NPAS3: variants seen among roughly 807,000 people sequenced by gnomAD.
The protein encoded by NPAS3 is neuronal PAS domain-containing protein 3.
In NPAS3, 14 loss-of-function variants were observed where a neutral mutation model predicts 73.1. The ratio of observed to expected loss-of-function variants is 0.19; its 90% confidence interval spans 0.13 to 0.30. The LOEUF (loss-of-function observed/expected upper bound fraction) is 0.30. Ranked by LOEUF, NPAS3 falls within the 10% of genes least tolerant of loss-of-function variation. The pLI is 1.00. For missense variants in NPAS3, 1,096 were observed against 1,250.0 expected (o/e 0.88, Z 1.86); for synonymous variants, 620 against 541.5 (o/e 1.14, Z -2.01).
At chr14:33,792,460 G>C (rs11156814) in intron 9 of NPAS3, among the ~76,000 whole-genome samples, 61,382 of 151,724 alleles carry the variant, frequency 0.4, 12,821 homozygotes, top group East Asian at 0.52. Context: ...GGATGTAATA[G>C]ATGGATGTGG....
intron 1 of NPAS3, among the ~76,000 whole-genome samples, chr14:33,032,133 A>G (rs2138351237): frequency 6.6e-6 from 1 of 152,350 alleles, no homozygotes; most frequent in African/African-American, 2.4e-5. Flanking sequence ...TTAGGTGAAT[A>G]GTGACTGCTC....
At chr14:33,559,834 C>T (rs1026957276) in intron 4 of NPAS3, among the ~76,000 whole-genome samples, 1 of 152,114 alleles carries the variant, frequency 6.6e-6, no homozygotes, top group Admixed American at 6.5e-5. Context: ...GCCTGGCCAA[C>T]ATGCTGAAAC....
At chr14:33,084,685 C>T (rs952738829) in intron 2 of NPAS3, among the ~76,000 whole-genome samples, 2 of 152,014 alleles carry the variant, frequency 1.3e-5, no homozygotes, top group South Asian at 2.1e-4. Flanking sequence ...GAGAGGAGGT[C>T]GGCAGGAAAG....
intron 4 of NPAS3, among the ~76,000 whole-genome samples, chr14:33,556,777 G>T (rs553503405): frequency 6.6e-6 from 1 of 152,284 alleles, no homozygotes; most frequent in Non-Finnish European, 1.5e-5. Context: ...TAAAATGAAG[G>T]TTTAGAACTA....
chr14:33,655,041 G>C (rs774910968), intron 5 of NPAS3, among the ~76,000 whole-genome samples: 16 of 152,194 alleles, frequency 1.1e-4, no homozygotes, highest in Admixed American at 2.6e-4. Context: ...CAAGGTGGAT[G>C]TAACTGCCTC....
intron 7 of NPAS3, among the ~76,000 whole-genome samples, chr14:33,764,366 A>T (rs2062393259): frequency 6.6e-6 from 1 of 152,266 alleles, no homozygotes; most frequent in African/African-American, 2.4e-5. Flanking sequence ...TTAGAACAAG[A>T]CTAGTTGGGA....
At chr14:33,087,972 AG>A (rs1253412051) in intron 2 of NPAS3, among the ~76,000 whole-genome samples, 1 of 152,200 alleles carries the variant, frequency 6.6e-6, no homozygotes, top group African/African-American at 2.4e-5. Context: ...TCCACAAGTG[AG>A]GGGGGAGTCT....
chr14:33,127,373 A>G (rs2043464536), intron 2 of NPAS3, among the ~76,000 whole-genome samples: 1 of 152,072 alleles, frequency 6.6e-6, no homozygotes, highest in South Asian at 2.1e-4. Context: ...TTCTGCATAT[A>G]TTGAGAATAT....
At chr14:33,544,289 T>C (rs1416002298) in intron 4 of NPAS3, among the ~76,000 whole-genome samples, 1 of 152,086 alleles carries the variant, frequency 6.6e-6, no homozygotes, top group East Asian at 1.9e-4. Flanking sequence ...ATTATAGGCA[T>C]GAGCCACTGC....
At chr14:33,420,447 G>T (rs2048322618) in intron 4 of NPAS3, among the ~76,000 whole-genome samples, 2 of 151,870 alleles carry the variant, frequency 1.3e-5, no homozygotes, top group Admixed American at 1.3e-4. Flanking sequence ...AGTAAAGACA[G>T]TCTAACTGTA....
intron 3 of NPAS3, among the ~76,000 whole-genome samples, chr14:33,287,656 A>ACG (rs1316736422): frequency 6.6e-6 from 1 of 152,084 alleles, no homozygotes; most frequent in Non-Finnish European, 1.5e-5. Flanking sequence ...TATCTACATC[A>ACG]CGCTTTAAGT....
rs555804650 is a variant in NPAS3, at chr14:33,576,768, G to A, written c.558+16558G>A. Among the ~76,000 whole-genome samples the A allele has an allele frequency of 8.5e-5, 13 of 152,204 alleles. No homozygotes were observed. In the South Asian group the frequency reaches 1.7e-3, roughly 19 times the overall value. ...TCGAGAATAAAACACAATGTTTAGC[G>A]TCTCCTGCTGTTTGCGAGACATTCC... On this transcript the variant is annotated intron_variant, in intron 5 of 11. Transcript: ENST00000356141.
upstream of NPAS3, chr14:32,939,269 AG>A (rs760919074): frequency 6.7e-6 from 3 of 449,334 alleles, no homozygotes; most frequent in Admixed American, 2.3e-5. Flanking sequence ...CCCACCCGGG[AG>A]GGGGGAGAGA....
At chr14:33,600,880 G>A (rs1265299511) in intron 5 of NPAS3, among the ~76,000 whole-genome samples, 1 of 152,144 alleles carries the variant, frequency 6.6e-6, no homozygotes, top group African/African-American at 2.4e-5. Context: ...GACCTGTCTG[G>A]GAAAAGCTTC....
chr14:33,651,064 CTCT>C (rs1780024991), intron 5 of NPAS3, among the ~76,000 whole-genome samples: 1 of 152,234 alleles, frequency 6.6e-6, no homozygotes, highest in African/African-American at 2.4e-5. Context: ...CGGTCATCCC[CTCT>C]TCTTCTAAGA....
chr14:33,531,184 C>T (rs1294719628), intron 4 of NPAS3, among the ~76,000 whole-genome samples: 5 of 152,028 alleles, frequency 3.3e-5, no homozygotes, highest in Non-Finnish European at 7.4e-5. Flanking sequence ...AAGTGTGGGT[C>T]TTAAAATAGG....
intron 3 of NPAS3, among the ~76,000 whole-genome samples, chr14:33,246,305 C>T (rs906701038): frequency 6.6e-6 from 1 of 151,900 alleles, no homozygotes; most frequent in African/African-American, 2.4e-5. Flanking sequence ...TTTGGGAGGC[C>T]GAGGCGGGCG....
intron 3 of NPAS3, among the ~76,000 whole-genome samples, chr14:33,326,632 C>T (rs1404196463): frequency 6.6e-6 from 1 of 152,104 alleles, no homozygotes; most frequent in African/African-American, 2.4e-5. Context: ...AGTATCAATA[C>T]AGTAAGAGTA....
At chr14:33,618,705 C>T (rs1234145408) in intron 5 of NPAS3, among the ~76,000 whole-genome samples, 1 of 152,200 alleles carries the variant, frequency 6.6e-6, no homozygotes, top group Non-Finnish European at 1.5e-5. Flanking sequence ...TCTAGATTCC[C>T]TTCTCACATA....
Sources: gnomAD v4.1 joint callset for allele counts (sites outside exome capture counted in the v4.1 genomes callset) on GRCh38, gnomAD v4.1.1 for gene constraint, MANE v1.5 for transcripts, NCBI Gene and HGNC (gene_info 2026-07-23, HGNC 2026-07-21) for gene names.